The following PDE10A variants were observed in gnomAD, a reference collection of about 807,000 sequenced individuals.
The protein encoded by PDE10A is cAMP and cAMP-inhibited cGMP 3',5'-cyclic phosphodiesterase 10A.
Under a neutral mutation model 97.7 loss-of-function variants are expected in PDE10A, and 39 were observed. The observed-to-expected ratio is 0.40, with a 90% CI of 0.31 to 0.52. The LOEUF (loss-of-function observed/expected upper bound fraction) is 0.52, where lower values mean the gene tolerates loss of function less well. Among genes scored for constraint, PDE10A ranks in the 20% least tolerant of loss-of-function variants. PDE10A has a pLI of 0.56. For missense variants in PDE10A, 731 were observed against 1,047.8 expected (o/e 0.70, Z 4.17); for synonymous variants, 371 against 376.8 (o/e 0.98, Z 0.18).
At chr6:165,494,012 T>C (rs1486790754) in intron 2 of PDE10A, among the ~76,000 whole-genome samples, 1 of 148,748 alleles carries the variant, frequency 6.7e-6, no homozygotes, top group Non-Finnish European at 1.5e-5. Context: ...GCTAAGGACA[T>C]GAATAGACAA....
intron 1 of PDE10A, among the ~76,000 whole-genome samples, chr6:165,882,059 A>C (rs1781496020): frequency 6.6e-6 from 1 of 152,216 alleles, no homozygotes; most frequent in Non-Finnish European, 1.5e-5. Flanking sequence ...GACACCAGTC[A>C]CGTAGAAATC....
At chr6:165,910,503 C>A (rs1782424367) in intron 1 of PDE10A, among the ~76,000 whole-genome samples, 1 of 152,060 alleles carries the variant, frequency 6.6e-6, no homozygotes, top group Non-Finnish European at 1.5e-5. Context: ...ACAATACTGC[C>A]AGAATAAAAA....
At chr6:165,500,680 G>T (rs561272587) in intron 2 of PDE10A, among the ~76,000 whole-genome samples, 1 of 152,130 alleles carries the variant, frequency 6.6e-6, no homozygotes, top group Non-Finnish European at 1.5e-5. Context: ...TAAAGGGTCT[G>T]TGCTGAGGAA....
At chr6:165,432,435 G>A (rs914721980) in intron 7 of PDE10A, among the ~76,000 whole-genome samples, 1 of 152,302 alleles carries the variant, frequency 6.6e-6, no homozygotes, top group East Asian at 1.9e-4. Flanking sequence ...GCGAGTGAGG[G>A]ACAGGTGGGG....
chr6:165,656,341 T>G (rs1789965894), intron 1 of PDE10A, among the ~76,000 whole-genome samples: 1 of 149,650 alleles, frequency 6.7e-6, no homozygotes, highest in African/African-American at 2.5e-5. Context: ...TCCTGCCTTA[T>G]CCAACCAGCC....
intron 1 of PDE10A, chr6:165,775,454 AGGATGAAT>A (rs1447907943): frequency 1.3e-5 from 2 of 152,222 alleles, no homozygotes; most frequent in Non-Finnish European, 2.9e-5. Flanking sequence ...TTTTGGCAGC[AGGATGAAT>A]GTTTGCTGGT....
intron 1 of PDE10A, among the ~76,000 whole-genome samples, chr6:165,629,398 C>A (rs1788527179): frequency 6.6e-6 from 1 of 152,038 alleles, no homozygotes; most frequent in Non-Finnish European, 1.5e-5. Context: ...TATCATCATA[C>A]TGCATTTATA....
At chr6:165,450,449 T>C in intron 3 of PDE10A, 87 bp from the exon 4 acceptor site, 3 of 559,624 alleles carry the variant, frequency 5.4e-6, no homozygotes, top group African/African-American at 1.9e-5. Context: ...ACTATTAATA[T>C]ATGTGACTTA....
At chr6:165,832,240 G>A (rs1298718185) in intron 1 of PDE10A, among the ~76,000 whole-genome samples, 2 of 152,156 alleles carry the variant, frequency 1.3e-5, no homozygotes, top group South Asian at 2.1e-4. Context: ...CAGCTTCCTC[G>A]GTGGGAGACA....
intron 1 of PDE10A, among the ~76,000 whole-genome samples, chr6:165,709,317 C>A (rs556550167): frequency 5.6e-5 from 8 of 144,034 alleles, no homozygotes; most frequent in East Asian, 2.2e-4. Context: ...GCTCTCCCCC[C>A]ACTCCACCGC....
At chr6:165,928,382 T>C (rs7768382) in intron 1 of PDE10A, among the ~76,000 whole-genome samples, 71,435 of 152,010 alleles carry the variant, frequency 0.47, 16,934 homozygotes, top group African/African-American at 0.49. Context: ...AGAGTCAGTC[T>C]TACGTGGTTT....
intron 1 of PDE10A, among the ~76,000 whole-genome samples, chr6:165,885,649 G>T (rs912326205): frequency 1.3e-5 from 2 of 152,232 alleles, no homozygotes; most frequent in Admixed American, 6.5e-5. Context: ...TCTGCTCAGC[G>T]CTGGCTGAAA....
In PDE10A at chr6:165,706,410, T is replaced by C. The variant is rs558470522; in HGVS notation, c.-614-162842A>G. Among the ~76,000 whole-genome samples, 187 of 152,332 alleles carry C rather than the reference T, an allele frequency of 1.2e-3. 2 individuals are homozygous for C. In the Middle Eastern group the frequency reaches 0.027, roughly 22 times the overall value. On this transcript the variant is annotated intron_variant, in intron 1 of 19. Transcript: ENST00000366882. ...AACATTCGGGTTGCTAGAATGAGAT[T>C]ATTGCCATTGTAAGTCAATCCATTT...
At chr6:165,824,218 G>T (rs980608773) in intron 1 of PDE10A, among the ~76,000 whole-genome samples, 4 of 152,136 alleles carry the variant, frequency 2.6e-5, no homozygotes, top group African/African-American at 9.7e-5. Flanking sequence ...AATAGATTAC[G>T]TTCATTAAAA....
intron 2 of PDE10A, among the ~76,000 whole-genome samples, chr6:165,521,552 A>T (rs1161100753): frequency 6.6e-6 from 1 of 152,230 alleles, no homozygotes; most frequent in African/African-American, 2.4e-5. Flanking sequence ...GTGATACAAA[A>T]GAGAAACAGC....
At chr6:165,768,677 A>G (rs1777928052) in intron 1 of PDE10A, among the ~76,000 whole-genome samples, 3 of 152,294 alleles carry the variant, frequency 2.0e-5, no homozygotes, top group Middle Eastern at 6.8e-3. Flanking sequence ...AATTCAAAGA[A>G]TACTAGGAAG....
rs138853295 is a variant in PDE10A, at chr6:165,839,380, C to G, written c.-615+148149G>C. Among the ~76,000 whole-genome samples the G allele has an allele frequency of 1.9e-3, 290 of 152,336 alleles. 1 individual carries two copies. Among genetic ancestry groups the G allele is most frequent in the African/African-American group, 6.5e-3 (270 of 41,586 alleles). ...CTACAGTTGTAAATTTTCCCTTCAACAAGTGGTCAAGATGTTTAAGAAATT... is the reference window on the plus strand; with the variant it reads ...CTACAGTTGTAAATTTTCCCTTCAAGAAGTGGTCAAGATGTTTAAGAAATT... On this transcript the variant is annotated intron_variant, in intron 1 of 19. Coordinates refer to the PDE10A transcript ENST00000366882.
intron 11 of PDE10A, among the ~76,000 whole-genome samples, chr6:165,417,720 G>T (rs138431039): frequency 6.6e-6 from 1 of 152,142 alleles, no homozygotes; most frequent in African/African-American, 2.4e-5. Flanking sequence ...AATGGACATG[G>T]AATACACAGG....
At chr6:165,350,702 C>G (rs1223169595) in intron 18 of PDE10A, among the ~76,000 whole-genome samples, 2 of 152,080 alleles carry the variant, frequency 1.3e-5, no homozygotes, top group Non-Finnish European at 2.9e-5. Context: ...TGGGAGGGAC[C>G]AGGTGGAGAT....
Sources: allele counts gnomAD v4.1 joint callset (sites outside exome capture counted in the v4.1 genomes callset), GRCh38; gene constraint gnomAD v4.1.1; transcripts MANE v1.5; gene names NCBI Gene and HGNC (gene_info 2026-07-23, HGNC 2026-07-21).